The following GALNT1 variants were observed in gnomAD, a reference collection of about 807,000 sequenced individuals.
GALNT1 encodes the protein GalNAc transferase 1.
GALNT1 carries 17 observed loss-of-function variants against 65.7 expected under a neutral mutation model. The observed-to-expected ratio is 0.26, with a 90% CI of 0.18 to 0.39. The LOEUF is 0.39. Ranked by LOEUF, GALNT1 falls within the 10% of genes least tolerant of loss-of-function variation. The probability of loss-of-function intolerance (pLI) is 1.00; values close to 1 mark genes in which losing one functional copy is unlikely to be tolerated. For synonymous variants in GALNT1, 210 were observed against 219.7 expected (o/e 0.96, Z 0.39); for missense variants, 460 against 672.8 (o/e 0.68, Z 3.50).
intron 2 of GALNT1, among the ~76,000 whole-genome samples, chr18:35,656,420 T>C (rs1035198084): frequency 6.6e-6 from 1 of 152,190 alleles, no homozygotes; most frequent in Admixed American, 6.5e-5. Context: ...GTAATAAATA[T>C]CACTTTAGGA....
upstream of GALNT1, chr18:35,581,703 C>CGGGCCG (rs570724101): frequency 7.1e-6 from 1 of 140,264 alleles, no homozygotes; most frequent in African/African-American, 2.6e-5. Context: ...GAGCGGGGCC[C>CGGGCCG]GGCCGGACCC....
intron 1 of GALNT1, among the ~76,000 whole-genome samples, chr18:35,628,312 C>T (rs539626637): frequency 9.2e-5 from 14 of 152,164 alleles, no homozygotes; most frequent in Non-Finnish European, 1.6e-4. Context: ...CTGGGAGGCA[C>T]CCCCCAGTAG....
At chr18:35,592,171 G>A (rs1267375281) in intron 1 of GALNT1, among the ~76,000 whole-genome samples, 1 of 152,138 alleles carries the variant, frequency 6.6e-6, no homozygotes, top group African/African-American at 2.4e-5. Context: ...TTACGGGCCC[G>A]GATGAGGAAA....
At chr18:35,706,979 C>T (rs1162921514) in intron 11 of GALNT1, among the ~76,000 whole-genome samples, 1 of 152,082 alleles carries the variant, frequency 6.6e-6, no homozygotes, top group Non-Finnish European at 1.5e-5. Flanking sequence ...GAATTAATTT[C>T]CCAAGGAAAT....
upstream of GALNT1, chr18:35,581,137 G>C: frequency 6.6e-6 from 1 of 152,020 alleles, no homozygotes; most frequent in Non-Finnish European, 1.5e-5. Flanking sequence ...GCGGCCCCGC[G>C]CTCGGCCCGG....
chr18:35,685,166 A>G (rs560458657), intron 5 of GALNT1, among the ~76,000 whole-genome samples: 91 of 152,310 alleles, frequency 6.0e-4, no homozygotes, highest in African/African-American at 2.1e-3. Context: ...AAATCTGTTC[A>G]TGAATGCTAG....
At chr18:35,700,050 C>A (rs1427022476) in intron 9 of GALNT1, among the ~76,000 whole-genome samples, 1 of 152,158 alleles carries the variant, frequency 6.6e-6, no homozygotes, top group Middle Eastern at 3.2e-3. Flanking sequence ...CCTCTCCCTC[C>A]TAGAATCCTA....
chr18:35,606,483 C>T (rs1475002038), intron 1 of GALNT1, among the ~76,000 whole-genome samples: 10 of 152,152 alleles, frequency 6.6e-5, no homozygotes, highest in Non-Finnish European at 1.5e-5. Flanking sequence ...AAGTTATCCT[C>T]ATTATTTTCT....
intron 1 of GALNT1, among the ~76,000 whole-genome samples, chr18:35,603,503 A>T (rs1382310831): frequency 6.6e-6 from 1 of 152,082 alleles, no homozygotes; most frequent in Non-Finnish European, 1.5e-5. Context: ...TGGTAACATC[A>T]CTTCCTCTAT....
chr18:35,700,100 G>A (rs2048133226), intron 9 of GALNT1, among the ~76,000 whole-genome samples: 1 of 152,102 alleles, frequency 6.6e-6, no homozygotes, highest in South Asian at 2.1e-4. Context: ...AATTTTCCAT[G>A]TCCTTGAGGA....
At chr18:35,614,158 T>G (rs1022977060) in intron 1 of GALNT1, among the ~76,000 whole-genome samples, 1 of 152,178 alleles carries the variant, frequency 6.6e-6, no homozygotes, top group Non-Finnish European at 1.5e-5. Context: ...GCTTAATATG[T>G]TTAGAGAGTA....
intron 1 of GALNT1, among the ~76,000 whole-genome samples, chr18:35,636,496 C>T (rs1379476477): frequency 1.3e-5 from 2 of 152,190 alleles, no homozygotes; most frequent in Non-Finnish European, 2.9e-5. Context: ...CTCATAAAAC[C>T]TGTTCAGAAA....
chr18:35,686,418 G>T (rs955306470), intron 5 of GALNT1, among the ~76,000 whole-genome samples: 4 of 152,216 alleles, frequency 2.6e-5, no homozygotes, highest in Admixed American at 2.6e-4. Flanking sequence ...AGAAGAATCA[G>T]ATCTAAGGGG....
intron 3 of GALNT1, among the ~76,000 whole-genome samples, chr18:35,670,944 ACCTCAC>A (rs2047625802): frequency 6.6e-6 from 1 of 152,204 alleles, no homozygotes; most frequent in Admixed American, 6.5e-5. Flanking sequence ...CTGCATCTTT[ACCTCAC>A]ATCATACAGA....
intron 1 of GALNT1, among the ~76,000 whole-genome samples, chr18:35,653,423 T>C (rs963853095): frequency 1.3e-5 from 2 of 152,202 alleles, no homozygotes; most frequent in East Asian, 3.8e-4. Context: ...TTGGCCACCA[T>C]GGAACTTGTT....
upstream of GALNT1, chr18:35,581,398 G>A (rs1210356371): frequency 6.7e-6 from 1 of 148,952 alleles, no homozygotes; most frequent in Non-Finnish European, 1.5e-5. Context: ...GCGGCCCCGC[G>A]GTGGGCTCGC....
intron 1 of GALNT1, among the ~76,000 whole-genome samples, chr18:35,608,039 C>G (rs1480155952): frequency 1.3e-5 from 2 of 151,640 alleles, no homozygotes; most frequent in African/African-American, 4.8e-5. Flanking sequence ...GGGGAATTAC[C>G]TTGAATCTAT....
At chr18:35,646,778 C>G (rs1457451994) in intron 1 of GALNT1, among the ~76,000 whole-genome samples, 2 of 152,188 alleles carry the variant, frequency 1.3e-5, no homozygotes, top group Non-Finnish European at 2.9e-5. Context: ...TAGCATAAGT[C>G]AAGGGCTTCT....
chr18:35,644,780 G>A (rs2047208689), intron 1 of GALNT1, among the ~76,000 whole-genome samples: 1 of 152,024 alleles, frequency 6.6e-6, no homozygotes, highest in African/African-American at 2.4e-5. Flanking sequence ...CACTTCAGGT[G>A]ACGCGTTTGA....
Sources: gnomAD v4.1 joint callset for allele counts (sites outside exome capture counted in the v4.1 genomes callset) on GRCh38, gnomAD v4.1.1 for gene constraint, MANE v1.5 for transcripts, NCBI Gene and HGNC (gene_info 2026-07-23, HGNC 2026-07-21) for gene names.